Variants in FNDC7 observed in about 807,000 individuals in gnomAD.
FNDC7 encodes fibronectin type III domain-containing protein 7.
FNDC7 carries 66 observed loss-of-function variants against 74.2 expected under a neutral mutation model. The observed-to-expected ratio is 0.89, with a 90% CI of 0.73 to 1.09. The LOEUF (loss-of-function observed/expected upper bound fraction) is 1.09. Among genes scored for constraint, FNDC7 ranks in the 50% least tolerant of loss-of-function variants. FNDC7 has a pLI of 0.00. For missense variants in FNDC7, 829 were observed against 893.4 expected (o/e 0.93, Z 0.92); for synonymous variants, 307 against 330.2 (o/e 0.93, Z 0.76).
Position 108,727,910 on chromosome 1 carries a change from C to T in FNDC7, c.1214C>T (p.Ala405Val). ...VRGAELYETK[A>V]VDGYNMVECN... ...GGTGCCGAACTGTATGAAACCAAGGCTGTAGATGGGTACAACATGGTTGAG... is the reference window on the plus strand; with the variant it reads ...GGTGCCGAACTGTATGAAACCAAGGTTGTAGATGGGTACAACATGGTTGAG... Residue 405 changes from alanine to valine, a missense_variant, in exon 7 of 13, where the codon GCT becomes GTT. Ala to Val is a moderately conservative substitution (Grantham distance 64). Transcript: ENST00000370017. 13 of 1,614,168 alleles carry T rather than the reference C, an allele frequency of 8.1e-6. No individual in the cohort carries two copies. Among genetic ancestry groups the T allele is most frequent in the Non-Finnish European group, 1.1e-5 (13 of 1,180,044 alleles).
intron 9 of FNDC7, among the ~76,000 whole-genome samples, chr1:108,732,345 A>AAG (rs891712338): frequency 2.6e-5 from 4 of 151,458 alleles, no homozygotes; most frequent in African/African-American, 4.8e-5. Context: ...CCGTCTCAAA[A>AAG]AAAAAAAAAA....
At position 108,728,885 on chromosome 1, in the gene FNDC7, A is replaced by G. The variant is rs1661279206; in HGVS notation, c.1623A>G (p.Thr541=). 6 of 1,611,614 alleles carry G rather than the reference A, an allele frequency of 3.7e-6. No homozygotes were observed. The highest frequency in any genetic ancestry group is 5.1e-6 in the Non-Finnish European group (6 of 1,178,028). The part of the protein sequence containing the change: ...SLPSYSVPLE[T]VPCCPTGLTV... ...CCAGCTACAGTGTGCCCCTGGAAAC[A>G]GGTATGTAGCAACCACCAGCCTGAA... Residue 541 remains threonine, a splice_region_variant and synonymous_variant, in exon 8 of 13, where the codon ACA becomes ACG. Coordinates refer to ENST00000370017, the MANE Select transcript of FNDC7 (RefSeq NM_001144937.3).
In FNDC7 at chr1:108,726,004, G is replaced by A. The variant is rs532141533; in HGVS notation, c.1111G>A (p.Ala371Thr). 8.7e-6 allele frequency: 14 copies of A among 1,613,842 alleles called. No homozygotes were observed. The highest frequency in any genetic ancestry group is 1.2e-5 in the Non-Finnish European group (14 of 1,179,930). Residue 371 changes from alanine to threonine, a missense_variant and splice_region_variant, in exon 6 of 13, where the codon GCT (alanine) becomes ACT (threonine). Coordinates refer to ENST00000370017, the MANE Select transcript of FNDC7 (RefSeq NM_001144937.3). ...GGGTGACATATTCAATTATACCACAGGTAAGTCCCATTTGATGTTTGTTAA... is the reference window on the plus strand; with the variant it reads ...GGGTGACATATTCAATTATACCACAAGTAAGTCCCATTTGATGTTTGTTAA... ...PLGDIFNYTT[A>T]PCCPSDINPV...
chr1:108,726,125 A>C, intron 6 of FNDC7, 121 bp downstream of exon 6: 1 of 1,259,470 alleles, frequency 7.9e-7, no homozygotes, highest in Non-Finnish European at 1.1e-6. Flanking sequence ...CAAGAACAGA[A>C]AGTAATCTCT....
intron 6 of FNDC7, among the ~76,000 whole-genome samples, 168 bp downstream of exon 6, chr1:108,726,172 T>G (rs528382598): frequency 6.6e-6 from 1 of 152,256 alleles, no homozygotes; most frequent in South Asian, 2.1e-4. Context: ...AATTTTGGCT[T>G]TGTGGACCTA....
At chr1:108,740,430 C>G (rs1357459010) in intron 11 of FNDC7, among the ~76,000 whole-genome samples, 1 of 143,680 alleles carries the variant, frequency 7.0e-6, no homozygotes, top group Non-Finnish European at 1.5e-5. Context: ...GGGATTCAAG[C>G]GATTCTCGCG....
In FNDC7 at chr1:108,728,891, G is replaced by A; in HGVS notation, c.1624+5G>A. On this transcript the variant is annotated splice_donor_5th_base_variant and intron_variant, in intron 8 of 12. Transcript: ENST00000370017. Reference sequence around the variant, plus strand: ...ACAGTGTGCCCCTGGAAACAGGTATGTAGCAACCACCAGCCTGAATGTTGA... The same window carrying A: ...ACAGTGTGCCCCTGGAAACAGGTATATAGCAACCACCAGCCTGAATGTTGA... The A allele has an allele frequency of 6.2e-7, 1 of 1,611,152 alleles. No individual in the cohort carries two copies. Among genetic ancestry groups the A allele is most frequent in the Non-Finnish European group, 8.5e-7 (1 of 1,177,740 alleles).
rs1185843328 is a variant in FNDC7 at position 108,733,426 on chromosome 1, C to T, written c.2034C>T (p.Phe678=). The T allele has an allele frequency of 6.2e-7, 1 of 1,613,992 alleles. No homozygotes were observed. Among genetic ancestry groups the T allele is most frequent in the Non-Finnish European group, 8.5e-7 (1 of 1,180,044 alleles). Residue 678 remains phenylalanine (F), a synonymous_variant, in exon 10 of 13, where the codon TTC becomes TTT. Coordinates refer to ENST00000370017, the MANE Select transcript of FNDC7 (RefSeq NM_001144937.3). ...FTCTPSAGLS[F]CDVTEIPCGD... The stretch of plus-strand genomic sequence containing the variant: ...GCACCCCGAGTGCTGGCCTCAGTTT[C>T]TGTGATGTCACTGAGATACCCTGTG...
chr1:108,720,634 G>A (rs1661074374), intron 4 of FNDC7, among the ~76,000 whole-genome samples: 1 of 152,220 alleles, frequency 6.6e-6, no homozygotes, highest in Admixed American at 6.5e-5. Flanking sequence ...AAATCAAGGT[G>A]TTGGCTAGGT....
chr1:108,738,107 G>A (rs571722001), intron 11 of FNDC7, among the ~76,000 whole-genome samples: 68 of 152,338 alleles, frequency 4.5e-4, no homozygotes, highest in Non-Finnish European at 9.1e-4. Context: ...ATTTCCATAA[G>A]GTCCAGGTGA....
intron 5 of FNDC7, 112 bp from the exon 6 acceptor site, chr1:108,725,638 G>A: frequency 8.5e-7 from 1 of 1,176,330 alleles, no homozygotes; most frequent in Non-Finnish European, 1.2e-6. Flanking sequence ...AATTCAATCT[G>A]TCACAAAGCT....
chr1:108,713,434 C>A lies in FNDC7; in HGVS notation c.64-77C>A, dbSNP rs1015127480. The A allele has an allele frequency of 5.8e-6, 7 of 1,199,916 alleles. No individual in the cohort carries two copies. The African/African-American group carries it at 9.1e-5, about 16-fold the overall frequency. The allele number at this position is 1,199,916 out of a possible 1,614,324, so 74.3% of individuals were successfully genotyped here. ...AAAAATGTTGTGATTAATTTATTACCGCTTTTATTCATGTTTTACGTTTGT... is the reference window on the plus strand; with the variant it reads ...AAAAATGTTGTGATTAATTTATTACAGCTTTTATTCATGTTTTACGTTTGT... On this transcript the variant is annotated intron_variant, in intron 1 of 12. Coordinates refer to ENST00000370017, the MANE Select transcript of FNDC7 (RefSeq NM_001144937.3).
Position 108,728,889 on chromosome 1 carries a change from A to T in FNDC7, c.1624+3A>T, listed in dbSNP as rs781208401. The T allele has an allele frequency of 6.2e-7, 1 of 1,611,480 alleles. No homozygotes were observed. The highest frequency in any genetic ancestry group is 8.5e-7 in the Non-Finnish European group (1 of 1,178,004). ...CTACAGTGTGCCCCTGGAAACAGGT[A>T]TGTAGCAACCACCAGCCTGAATGTT... On this transcript the variant is annotated splice_donor_region_variant and intron_variant, in intron 8 of 12. Transcript: ENST00000370017.
At chr1:108,734,081 A>G (rs1661456484) in intron 10 of FNDC7, among the ~76,000 whole-genome samples, 1 of 152,200 alleles carries the variant, frequency 6.6e-6, no homozygotes, top group Admixed American at 6.6e-5. Context: ...CCTAAAAAGG[A>G]CTAGATGCTT....
chr1:108,725,771 T>C lies in FNDC7; in HGVS notation c.878T>C (p.Val293Ala), dbSNP rs1203653064. The change falls in exon 6 of 13, where the codon GTG becomes GCG. Residue 293 changes from valine (V) to alanine (A), a missense_variant. By Grantham distance (64) the Val-to-Ala change is moderately conservative. Coordinates refer to ENST00000370017, the MANE Select transcript of FNDC7 (RefSeq NM_001144937.3). ...CTAGTTGCTTGTGCACCCGGAAGAG[T>C]GACGATCCAAGAAGATCCCCCTGGC... ...LKTVACAPGR[V>A]TIQEDPPGHL... 1 of 1,613,914 alleles carries C rather than the reference T, an allele frequency of 6.2e-7. No homozygotes were observed. The highest frequency in any genetic ancestry group is 8.5e-7 in the Non-Finnish European group (1 of 1,179,980).
At chr1:108,740,324 T>C in intron 11 of FNDC7, among the ~76,000 whole-genome samples, 1 of 137,890 alleles carries the variant, frequency 7.3e-6, no homozygotes, top group East Asian at 2.0e-4. Flanking sequence ...CAAACTTTTT[T>C]TTTTTTTTTT....
chr1:108,719,775 A>G (rs1661058391), intron 4 of FNDC7, among the ~76,000 whole-genome samples: 1 of 149,542 alleles, frequency 6.7e-6, no homozygotes, highest in African/African-American at 2.5e-5. Context: ...AGAGAGAGAG[A>G]GAACGAGAGG....
At chr1:108,741,621 T>C in intron 11 of FNDC7, 152 bp from the exon 12 acceptor site, 1 of 781,050 alleles carries the variant, frequency 1.3e-6, no homozygotes. Flanking sequence ...ACTTTGTCAG[T>C]TGTCATAGTT....
intron 11 of FNDC7, 51 bp from the exon 12 acceptor site, chr1:108,741,722 G>T: frequency 1.3e-6 from 2 of 1,578,806 alleles, no homozygotes; most frequent in Non-Finnish European, 1.7e-6. Flanking sequence ...TTAAGAAAAT[G>T]TCTGCATATT....
Sources: gnomAD v4.1 joint callset for allele counts (sites outside exome capture counted in the v4.1 genomes callset) on GRCh38, gnomAD v4.1.1 for gene constraint, MANE v1.5 for transcripts, NCBI Gene and HGNC (gene_info 2026-07-23, HGNC 2026-07-21) for gene names.